Variants in PAK1IP1 observed in about 807,000 individuals in gnomAD.
The protein encoded by PAK1IP1 is p21-activated protein kinase-interacting protein 1.
PAK1IP1 carries 24 observed loss-of-function variants against 42.0 expected under a neutral mutation model. The ratio of observed to expected loss-of-function variants is 0.57; its 90% CI spans 0.41 to 0.80. PAK1IP1 has a LOEUF of 0.80. PAK1IP1 is among the 30% of genes least tolerant of loss of function. The pLI is 0.00. For synonymous variants in PAK1IP1, 154 were observed against 156.7 expected (o/e 0.98, Z 0.13); for missense variants, 411 against 467.9 (o/e 0.88, Z 1.12).
At chr6:10,703,081 A>G (rs536851574) in intron 4 of PAK1IP1, among the ~76,000 whole-genome samples, 142 of 152,342 alleles carry the variant, frequency 9.3e-4, no homozygotes, top group African/African-American at 3.2e-3. Context: ...CTGGGATTAC[A>G]GGCGTGAGCC....
At chr6:10,709,102 T>C in intron 9 of PAK1IP1, 26 bp downstream of exon 9, 1 of 1,600,560 alleles carries the variant, frequency 6.2e-7, no homozygotes, top group Non-Finnish European at 8.5e-7. Flanking sequence ...TGTTTTGAAA[T>C]TTTGAATAAT....
At chr6:10,697,822 C>A (rs1212931528) in intron 2 of PAK1IP1, among the ~76,000 whole-genome samples, 4 of 149,518 alleles carry the variant, frequency 2.7e-5, no homozygotes, top group African/African-American at 9.9e-5. Flanking sequence ...ACCCGTGAGG[C>A]AGAGATTGCA....
chr6:10,692,278 C>T (rs1717035884), upstream of PAK1IP1, among the ~76,000 whole-genome samples: 3 of 152,314 alleles, frequency 2.0e-5, no homozygotes, highest in South Asian at 6.2e-4. Flanking sequence ...CAATGTCCTG[C>T]TTACTAATAC....
upstream of PAK1IP1, chr6:10,694,608 C>T: frequency 1.7e-4 from 30 of 178,080 alleles, no homozygotes; most frequent in South Asian, 6.5e-4. Flanking sequence ...AAGCAACCGG[C>T]CGGAAGTCGG....
At chr6:10,699,256 C>T (rs1349133012) in intron 2 of PAK1IP1, among the ~76,000 whole-genome samples, 1 of 150,830 alleles carries the variant, frequency 6.6e-6, no homozygotes, top group Admixed American at 6.6e-5. Context: ...TGTCAAGGGC[C>T]TGGAGATCTC....
intron 1 of PAK1IP1, among the ~76,000 whole-genome samples, chr6:10,696,231 A>G (rs1769835483): frequency 6.6e-6 from 1 of 152,178 alleles, no homozygotes; most frequent in Non-Finnish European, 1.5e-5. Flanking sequence ...AATAGCCTAG[A>G]TAACCTACAT....
intron 7 of PAK1IP1, 57 bp from the exon 8 acceptor site, chr6:10,707,358 C>A: frequency 1.0e-6 from 1 of 966,396 alleles, no homozygotes; most frequent in Non-Finnish European, 1.7e-6. Flanking sequence ...AATTTTATAA[C>A]AATATTAGAC....
intron 1 of PAK1IP1, among the ~76,000 whole-genome samples, chr6:10,695,570 C>T (rs551131919): frequency 2.6e-5 from 4 of 152,074 alleles, no homozygotes; most frequent in Non-Finnish European, 5.9e-5. Flanking sequence ...GCCTTAGAGA[C>T]GTTGCCTACA....
chr6:10,703,600 A>T, intron 5 of PAK1IP1, 143 bp downstream of exon 5: 1 of 590,420 alleles, frequency 1.7e-6, no homozygotes, highest in Non-Finnish European at 3.0e-6. Flanking sequence ...TCACAGTCAG[A>T]ACCTTGTTTC....
At chr6:10,696,352 G>GT (rs1210251164) in intron 1 of PAK1IP1, among the ~76,000 whole-genome samples, 2 of 152,316 alleles carry the variant, frequency 1.3e-5, no homozygotes, top group African/African-American at 2.4e-5. Context: ...AGTATCTTCT[G>GT]TAACTAAGGA....
rs775495110 is a variant in PAK1IP1, at chr6:10,697,435, AT to A, written c.199del (p.Tyr67MetfsTer3). 1 of 1,614,096 alleles carries A rather than the reference AT, an allele frequency of 6.2e-7. No homozygotes were observed. The highest frequency in any genetic ancestry group is 8.5e-7 in the Non-Finnish European group (1 of 1,179,936). The part of the protein sequence containing the change: ...VTGSKDETIH[I>X]YDMKKKIEHG... ...TGGGAGCAAAGATGAAACAATTCAC[AT>A]TTATGACATGAAAAAGAAGATTGAG... On this transcript the variant is annotated frameshift_variant, in exon 2 of 10. Transcript: ENST00000379568. LOFTEE classifies it high-confidence loss of function.
At chr6:10,699,483 C>T (rs142031021) in intron 2 of PAK1IP1, among the ~76,000 whole-genome samples, 2 of 152,220 alleles carry the variant, frequency 1.3e-5, no homozygotes, top group African/African-American at 2.4e-5. Context: ...CTACAGTTCC[C>T]GGCTTGTGGT....
chr6:10,709,002 C>T lies in PAK1IP1; in HGVS notation c.890C>T (p.Thr297Met), dbSNP rs759587941. ...GAAATAAACACTAATGCCAGGCTGA[C>T]GTGTCTTGGAGTGTGGCTAGACAAA... ...LCEINTNARLTCLGVWLDKVA... is the reference protein window; with the variant it reads ...LCEINTNARLMCLGVWLDKVA... The change falls in exon 9 of 10, where the codon ACG becomes ATG. Residue 297 changes from threonine (T) to methionine (M), a missense_variant. Coordinates refer to ENST00000379568, the MANE Select transcript of PAK1IP1 (RefSeq NM_017906.3). 5 of 1,611,364 alleles carry T rather than the reference C, an allele frequency of 3.1e-6. No individual in the cohort carries two copies. Among genetic ancestry groups the T allele is most frequent in the East Asian group, 2.2e-5 (1 of 44,874 alleles).
Position 10,701,681 on chromosome 6 carries a change from C to T in PAK1IP1, c.248-688C>T, listed in dbSNP as rs561302152. Among the ~76,000 whole-genome samples, 10 of 152,272 alleles carry T rather than the reference C, an allele frequency of 6.6e-5. No homozygotes were observed. The South Asian group carries it at 2.1e-3, about 32-fold the overall frequency. ...TGTGGCTGATTGGGTAGCTAATTCA[C>T]TGTTTAGAAAGTGGAAGTCATGTGG... On this transcript the variant is annotated intron_variant, in intron 2 of 9. Coordinates refer to ENST00000379568, the MANE Select transcript of PAK1IP1 (RefSeq NM_017906.3).
At position 10,695,081 on chromosome 6, in the gene PAK1IP1, C is replaced by T. The variant is rs201605878; in HGVS notation, c.84+12C>T. 1.3e-4 allele frequency: 211 copies of T among 1,569,912 alleles called. 1 individual carries two copies. The East Asian group carries it at 4.5e-3, about 34-fold the overall frequency. On this transcript the variant is annotated intron_variant, in intron 1 of 9. Transcript: ENST00000379568. ...GCGGCGACCACGAGGTGAGATACCG[C>T]GTAGTTAGAGACAGTCGGAGGCGGG...
chr6:10,700,640 G>C lies in PAK1IP1; in HGVS notation c.248-1729G>C, dbSNP rs113279068. ...CTAGTCCTAGTTTGTTACAAAGAAG[G>C]CTTCTCTCTCAGGTTTGGAAGAAAT... On this transcript the variant is annotated intron_variant, in intron 2 of 9. Transcript: ENST00000379568. Among the ~76,000 whole-genome samples the C allele has an allele frequency of 5.2e-3, 795 of 152,148 alleles. 6 individuals carry two copies. Among genetic ancestry groups the C allele is most frequent in the African/African-American group, 0.018 (753 of 41,502 alleles).
At chr6:10,695,671 A>G (rs776180275) in intron 1 of PAK1IP1, among the ~76,000 whole-genome samples, 1 of 152,204 alleles carries the variant, frequency 6.6e-6, no homozygotes, top group Non-Finnish European at 1.5e-5. Flanking sequence ...AAAAAGGTCA[A>G]ATAAATTATC....
intron 1 of PAK1IP1, among the ~76,000 whole-genome samples, chr6:10,696,720 A>T (rs758342364): frequency 3.9e-5 from 6 of 152,204 alleles, no homozygotes; most frequent in Non-Finnish European, 8.8e-5. Flanking sequence ...AGGCAGGTGG[A>T]TCACCTGAGG....
chr6:10,694,292 G>T (rs1406708638), upstream of PAK1IP1, among the ~76,000 whole-genome samples: 2 of 149,460 alleles, frequency 1.3e-5, no homozygotes, highest in African/African-American at 5.0e-5. Context: ...AAGGCTCACT[G>T]CTCCCTCCCC....
Sources: gnomAD v4.1 joint callset for allele counts (sites outside exome capture counted in the v4.1 genomes callset) on GRCh38, gnomAD v4.1.1 for gene constraint, MANE v1.5 for transcripts, NCBI Gene and HGNC (gene_info 2026-07-23, HGNC 2026-07-21) for gene names.